RIMBP2: variants seen among roughly 807,000 people sequenced by gnomAD.
RIMBP2 encodes the protein RIMS binding protein 2, also known as RIMS-binding protein 2.
In RIMBP2, 48 loss-of-function variants were observed where a neutral mutation model predicts 118.6. The observed-to-expected ratio is 0.40, with a 90% CI of 0.32 to 0.51. The LOEUF (loss-of-function observed/expected upper bound fraction) is 0.51, where lower values mean the gene tolerates loss of function less well. Among genes scored for constraint, RIMBP2 ranks in the 20% least tolerant of loss-of-function variants. The pLI, the probability that RIMBP2 is intolerant of heterozygous loss-of-function variation, is 0.41. For missense variants in RIMBP2, 1,551 were observed against 1,768.3 expected (o/e 0.88, Z 2.20); for synonymous variants, 762 against 742.9 (o/e 1.03, Z -0.42).
intron 1 of RIMBP2, among the ~76,000 whole-genome samples, chr12:130,675,948 G>T (rs188084397): frequency 6.6e-6 from 1 of 152,208 alleles, no homozygotes. Context: ...AGGACGCCAC[G>T]AGAGCTAGAG....
At chr12:130,677,017 C>T (rs2064523537) in intron 1 of RIMBP2, among the ~76,000 whole-genome samples, 1 of 152,174 alleles carries the variant, frequency 6.6e-6, no homozygotes, top group African/African-American at 2.4e-5. Context: ...ACCCTACCTC[C>T]ACAAATGTGA....
At chr12:130,612,879 TA>T (rs1594038501) in intron 2 of RIMBP2, among the ~76,000 whole-genome samples, 1 of 151,788 alleles carries the variant, frequency 6.6e-6, no homozygotes, top group African/African-American at 2.4e-5. Flanking sequence ...TCCGGATGGG[TA>T]AAACAGCTTC....
chr12:130,524,675 G>A (rs1252699260), intron 2 of RIMBP2, among the ~76,000 whole-genome samples: 1 of 152,214 alleles, frequency 6.6e-6, no homozygotes, highest in Non-Finnish European at 1.5e-5. Flanking sequence ...ATACTGTCCT[G>A]GGTGTTAAGG....
intron 1 of RIMBP2, among the ~76,000 whole-genome samples, chr12:130,655,642 C>G (rs1175730026): frequency 1.3e-5 from 2 of 152,326 alleles, no homozygotes; most frequent in Non-Finnish European, 2.9e-5. Context: ...GGTTACTACA[C>G]AGAGCGAACA....
In RIMBP2 at chr12:130,525,272, G is replaced by T. The variant is rs1461832903; in HGVS notation, c.-216-7355C>A. ...AGTGGGGACCGGCAGGTCAGCTACT[G>T]CCCAGAAGCCAAGCAGCATTGCGGG... is the stretch of plus-strand genomic sequence containing the variant. On this transcript the variant is annotated intron_variant, in intron 2 of 22. Transcript: ENST00000690449. This position sits in a 1 kb window ranked among gnomAD's most constrained non-coding sequence, Gnocchi z 4.4. Among the ~76,000 whole-genome samples the T allele has an allele frequency of 2.0e-5, 3 of 152,214 alleles. No individual in the cohort carries two copies. The highest frequency in any genetic ancestry group is 7.2e-5 in the African/African-American group (3 of 41,458).
At chr12:130,458,082 C>T (rs1475101861) in intron 6 of RIMBP2, among the ~76,000 whole-genome samples, 1 of 147,518 alleles carries the variant, frequency 6.8e-6, no homozygotes, top group Non-Finnish European at 1.5e-5. Flanking sequence ...CCCCTCCCCT[C>T]CTCCGCCCCT....
In RIMBP2 at chr12:130,420,351, G is replaced by T. The variant is rs1474673040; in HGVS notation, c.3238+2102C>A. Among the ~76,000 whole-genome samples the T allele has an allele frequency of 6.6e-6, 1 of 151,660 alleles. No individual in the cohort carries two copies. Among genetic ancestry groups the T allele is most frequent in the Admixed American group, 6.6e-5 (1 of 15,132 alleles). ...GCACAATTAAAGCAAACCTATCATA[G>T]GTTTGTCAGTTAACTCTTTTCTGAG... On this transcript the variant is annotated intron_variant, in intron 17 of 22. Coordinates refer to ENST00000690449, the MANE Select transcript of RIMBP2 (RefSeq NM_001393629.1). The surrounding 1 kb of genome is among the most constrained non-coding windows in gnomAD (Gnocchi z 4.3).
chr12:130,423,655 G>T, intron 16 of RIMBP2, among the ~76,000 whole-genome samples: 1 of 15,204 alleles, frequency 6.6e-5, no homozygotes, highest in Admixed American at 7.0e-4. Flanking sequence ...GAAACAATAT[G>T]CAAAAAAAAA....
intron 1 of RIMBP2, among the ~76,000 whole-genome samples, chr12:130,681,773 C>T (rs1342718781): frequency 6.6e-6 from 1 of 152,200 alleles, no homozygotes; most frequent in Non-Finnish European, 1.5e-5. Flanking sequence ...CAGCTCACTA[C>T]AACCTCCACC....
At chr12:130,482,395 G>C (rs953330803) in intron 4 of RIMBP2, among the ~76,000 whole-genome samples, 1 of 152,228 alleles carries the variant, frequency 6.6e-6, no homozygotes, top group African/African-American at 2.4e-5. Context: ...CCCAGAGTGG[G>C]GGCACAGTGT....
In RIMBP2 at chr12:130,413,950, T is replaced by C. The variant is rs1206769627; in HGVS notation, c.3420+175A>G. 2.0e-5 allele frequency among the ~76,000 whole-genome samples: 3 copies of C among 152,222 alleles called. No individual in the cohort carries two copies. The East Asian group carries it at 5.8e-4, about 29-fold the overall frequency. On this transcript the variant is annotated intron_variant, in intron 18 of 22. Coordinates refer to ENST00000690449, the MANE Select transcript of RIMBP2 (RefSeq NM_001393629.1). ...CCGGGCAGATGCTGGAGAAGGCACT[T>C]TGCAGAGGGCAGGGCCCTTGCCGTC...
chr12:130,693,142 A>C (rs953791657), intron 1 of RIMBP2, among the ~76,000 whole-genome samples: 1 of 152,052 alleles, frequency 6.6e-6, no homozygotes, highest in African/African-American at 2.4e-5. Flanking sequence ...CTCCTATGGG[A>C]GCATTTCTTA....
At chr12:130,426,272 A>G (rs1054030326) in intron 15 of RIMBP2, 5 of 144,240 alleles carry the variant, frequency 3.5e-5, no homozygotes, top group African/African-American at 7.9e-5. Flanking sequence ...ACCTGCCTAC[A>G]TGATTTCTAT....
intron 22 of RIMBP2, 102 bp downstream of exon 22, chr12:130,399,577 C>G (rs570607621): frequency 6.5e-6 from 9 of 1,378,396 alleles, no homozygotes; most frequent in Non-Finnish European, 8.9e-6. Context: ...GGTGTATTTA[C>G]GCTTTTCGGC....
intron 2 of RIMBP2, among the ~76,000 whole-genome samples, chr12:130,565,303 T>C (rs1275703982): frequency 6.6e-6 from 1 of 152,164 alleles, no homozygotes; most frequent in Non-Finnish European, 1.5e-5. Context: ...CAACCCTTGC[T>C]GGTAGGGATG....
At chr12:130,524,954 G>A (rs1341420486) in intron 2 of RIMBP2, among the ~76,000 whole-genome samples, 3 of 152,310 alleles carry the variant, frequency 2.0e-5, no homozygotes, top group African/African-American at 7.2e-5. Flanking sequence ...CTTGGTGAGT[G>A]TGAGACCCCA....
At position 130,474,804 on chromosome 12, in the gene RIMBP2, C is replaced by T. The variant is rs183263452; in HGVS notation, c.103-4061G>A. Among the ~76,000 whole-genome samples the T allele has an allele frequency of 2.4e-3, 364 of 152,286 alleles. 4 individuals carry two copies. Among genetic ancestry groups the T allele is most frequent in the African/African-American group, 8.0e-3 (332 of 41,576 alleles). On this transcript the variant is annotated intron_variant, in intron 5 of 22. Coordinates refer to ENST00000690449, the MANE Select transcript of RIMBP2 (RefSeq NM_001393629.1). ...GCCACGACTGCACTCCGGGTCCCAG[C>T]CCGGACACGCTGCACCAGCAGATTT...
intron 1 of RIMBP2, among the ~76,000 whole-genome samples, chr12:130,713,617 T>TC (rs952619182): frequency 2.0e-5 from 3 of 152,116 alleles, no homozygotes; most frequent in Non-Finnish European, 4.4e-5. Context: ...GATCCGGTTC[T>TC]CCCCCGGGTT....
chr12:130,522,571 T>C lies in RIMBP2; in HGVS notation c.-216-4654A>G, dbSNP rs532413041. Among the ~76,000 whole-genome samples the C allele has an allele frequency of 3.3e-4, 50 of 152,306 alleles. No individual in the cohort carries two copies. In the South Asian group the frequency reaches 9.7e-3, roughly 30 times the overall value. ...ACATACCATGGGCTCCTTCCCAAAA[T>C]AGACACATCTACAGGCGGAATTCGA... On this transcript the variant is annotated intron_variant, in intron 2 of 22. Coordinates refer to ENST00000690449, the MANE Select transcript of RIMBP2 (RefSeq NM_001393629.1).
Sources: gnomAD v4.1 joint callset for allele counts (sites outside exome capture counted in the v4.1 genomes callset) on GRCh38, gnomAD v4.1.1 for gene constraint, Gnocchi (gnomAD v3.1) non-coding constraint, MANE v1.5 for transcripts, NCBI Gene and HGNC (gene_info 2026-07-23, HGNC 2026-07-21) for gene names.